The following PIGN variants were observed in gnomAD, a reference collection of about 807,000 sequenced individuals.
PIGN encodes phosphatidylinositol glycan anchor biosynthesis class N, also known as GPI ethanolamine phosphate transferase 1.
A neutral mutation model predicts 125.4 loss-of-function variants in PIGN; 117 were observed. The ratio of observed to expected loss-of-function variants is 0.93; its 90% confidence interval spans 0.80 to 1.09. PIGN has a LOEUF of 1.09. PIGN is among the 50% of genes least tolerant of loss of function. The pLI, the probability that PIGN is intolerant of heterozygous loss-of-function variation, is 0.00. For synonymous variants in PIGN, 392 were observed against 377.8 expected (o/e 1.04, Z -0.44); for missense variants, 1,075 against 1,094.9 (o/e 0.98, Z 0.26).
rs1355691128 is a variant in PIGN at position 62,041,640 on chromosome 18, G to GGGGGGTGTGTGT, written c.*4215_*4216insACACACACCCCC. On this transcript the variant is annotated 3_prime_UTR_variant, in exon 31 of 31. Transcript: ENST00000640252. ...ATTACAGGAGCCTACCACCCCGCCGGGTGTGTGTGTGTGTGTGTGTGTGTG... is the reference window on the plus strand; with the variant it reads ...ATTACAGGAGCCTACCACCCCGCCGGGGGGGTGTGTGTGTGTGTGTGTGTGTGTGTGTGTGTG... 2.6e-5 allele frequency: 2 copies of GGGGGGTGTGTGT among 77,470 alleles called. No homozygotes were observed. Among genetic ancestry groups the GGGGGGTGTGTGT allele is most frequent in the Non-Finnish European group, 2.4e-5 (1 of 40,880 alleles). The allele number at this position is 77,470 out of a possible 1,614,324, so 4.8% of individuals were successfully genotyped here. A position where few individuals can be genotyped will look rare whatever the true frequency, so the allele number is the denominator to read the frequency against.
chr18:62,033,456 A>G (rs1472912858), intron 23 of PIGN, among the ~76,000 whole-genome samples: 1 of 152,234 alleles, frequency 6.6e-6, no homozygotes, highest in Non-Finnish European at 1.5e-5. Context: ...CGTGACTGAT[A>G]GTAGATTATA....
At chr18:62,062,381 C>T (rs1056475119) in intron 30 of PIGN, among the ~76,000 whole-genome samples, 19 of 152,288 alleles carry the variant, frequency 1.2e-4, no homozygotes, top group African/African-American at 4.6e-4. Flanking sequence ...CTTATACCTG[C>T]CTTTGAGAAG....
intron 30 of PIGN, chr18:62,052,332 A>G (rs1251523850): frequency 2.7e-5 from 4 of 150,850 alleles, no homozygotes; most frequent in Admixed American, 2.0e-4. Flanking sequence ...AATGTGTGGG[A>G]GTCTAAGTCT....
intron 1 of PIGN, among the ~76,000 whole-genome samples, chr18:62,167,007 T>G (rs547276107): frequency 6.6e-6 from 1 of 152,224 alleles, no homozygotes; most frequent in Non-Finnish European, 1.5e-5. Context: ...CCATGGCACA[T>G]GTATACCTAC....
chr18:62,074,695 A>T (rs2145761152), intron 29 of PIGN, 84 bp downstream of exon 29: 1 of 816,006 alleles, frequency 1.2e-6, no homozygotes, highest in South Asian at 1.7e-5. Flanking sequence ...GATTTCACGT[A>T]CCAAAATGCA....
chr18:62,018,610 A>G (rs2030011250), intron 23 of PIGN, among the ~76,000 whole-genome samples: 1 of 152,176 alleles, frequency 6.6e-6, no homozygotes, highest in African/African-American at 2.4e-5. Context: ...AGCTGAGCAC[A>G]TGGTTTGTTA....
intron 1 of PIGN, chr18:62,174,340 C>A (rs1568259093): frequency 1.3e-5 from 2 of 152,102 alleles, no homozygotes; most frequent in African/African-American, 2.4e-5. Flanking sequence ...ATTATATGAT[C>A]TTTTAGACAC....
chr18:62,116,253 C>A (rs1292482270), intron 14 of PIGN, among the ~76,000 whole-genome samples: 1 of 152,142 alleles, frequency 6.6e-6, no homozygotes, highest in African/African-American at 2.4e-5. Context: ...TTTTGGAAGG[C>A]TATATCTAAG....
intron 30 of PIGN, among the ~76,000 whole-genome samples, chr18:62,065,745 A>T (rs1399130273): frequency 1.3e-5 from 2 of 152,192 alleles, no homozygotes; most frequent in African/African-American, 4.8e-5. Context: ...CCAAAAAAAA[A>T]TAAAAATAAA....
chr18:62,185,885 T>G (rs1456718672), intron 1 of PIGN, among the ~76,000 whole-genome samples: 4 of 152,228 alleles, frequency 2.6e-5, no homozygotes, highest in African/African-American at 9.6e-5. Flanking sequence ...CAAAACTCTC[T>G]GAAGCATTCA....
chr18:62,128,070 T>C (rs2035602749), intron 14 of PIGN, among the ~76,000 whole-genome samples: 1 of 152,178 alleles, frequency 6.6e-6, no homozygotes, highest in African/African-American at 2.4e-5. Context: ...TATTTTTTAT[T>C]CCCACTTTTA....
chr18:62,144,133 CAT>C (rs754021458), intron 10 of PIGN, among the ~76,000 whole-genome samples: 26 of 152,118 alleles, frequency 1.7e-4, no homozygotes, highest in Non-Finnish European at 3.1e-4. Flanking sequence ...ATTTAATATT[CAT>C]ATGAGAAAAA....
intron 30 of PIGN, among the ~76,000 whole-genome samples, chr18:62,053,947 G>T (rs987444390): frequency 2.0e-5 from 3 of 152,064 alleles, no homozygotes; most frequent in African/African-American, 7.2e-5. Context: ...ATGGATAACA[G>T]ATACATTACC....
In PIGN at chr18:62,147,162, C is replaced by T. The variant is rs533317572; in HGVS notation, c.675-61G>A. 88 of 1,502,016 alleles carry T rather than the reference C, an allele frequency of 5.9e-5. No homozygotes were observed. The East Asian group carries it at 1.2e-3, about 20-fold the overall frequency. 93.0% of individuals were successfully genotyped at this position (1,502,016 alleles called of 1,614,324 possible). The stretch of plus-strand genomic sequence containing the variant: ...ATTTGGAGAAATCAAATTTATTCAA[C>T]GTGGATTCATTACATTCAAAATCAG... On this transcript the variant is annotated intron_variant, in intron 8 of 30. Coordinates refer to ENST00000640252, the MANE Select transcript of PIGN (RefSeq NM_176787.5).
rs115762124 is a variant in PIGN, at chr18:62,111,713, C to A, written c.1434+1421G>T. Among the ~76,000 whole-genome samples the A allele has an allele frequency of 5.9e-3, 891 of 152,280 alleles. 6 individuals carry two copies. Among genetic ancestry groups the A allele is most frequent in the African/African-American group, 0.02 (831 of 41,560 alleles). ...CCCACAGGCCACCTGTGGTCCAGGA[C>A]AGCTTTGAATGAGCTTTAAAGCTCA... On this transcript the variant is annotated intron_variant, in intron 16 of 30. Transcript: ENST00000640252.
Position 62,114,589 on chromosome 18 carries a change from T to A in PIGN, c.1223A>T (p.Tyr408Phe), listed in dbSNP as rs756703465. The A allele has an allele frequency of 5.3e-6, 8 of 1,523,146 alleles. No individual in the cohort carries two copies. The South Asian group carries it at 8.4e-5, about 16-fold the overall frequency. 94.4% of individuals were successfully genotyped at this position (1,523,146 alleles called of 1,614,324 possible). Residue 408 changes from tyrosine (Y) to phenylalanine (F), a missense_variant, in exon 15 of 31, where the codon TAT becomes TTT. This residue lies in a region of PIGN where 915 missense variants were observed against 908.7 expected (regional missense o/e 1.01). Coordinates refer to ENST00000640252, the MANE Select transcript of PIGN (RefSeq NM_176787.5). ...TTCATCAAACTTTCTGTGTTTTATATAAGATCTTGCTTTTCTTAAAATGTT... is the reference window on the plus strand; with the variant it reads ...TTCATCAAACTTTCTGTGTTTTATAAAAGATCTTGCTTTTCTTAAAATGTT... ...QFNILRKARS[Y>F]IKHRKFDEVV...
chr18:62,095,760 T>C, intron 23 of PIGN, 88 bp downstream of exon 23: 2 of 727,584 alleles, frequency 2.7e-6, no homozygotes, highest in Middle Eastern at 3.0e-4. Context: ...ACATTTTTTA[T>C]TTCCAGAAGT....
chr18:62,064,968 T>C (rs963890465), intron 30 of PIGN, among the ~76,000 whole-genome samples: 11 of 152,060 alleles, frequency 7.2e-5, no homozygotes, highest in African/African-American at 2.7e-4. Flanking sequence ...GGTGAGTCTT[T>C]AAACAAGCAA....
At chr18:62,025,339 C>T (rs886884586) in intron 23 of PIGN, among the ~76,000 whole-genome samples, 1 of 152,152 alleles carries the variant, frequency 6.6e-6, no homozygotes, top group African/African-American at 2.4e-5. Flanking sequence ...TTCACTGAGA[C>T]AGTTATTTTG....
Sources: gnomAD v4.1 joint callset for allele counts (sites outside exome capture counted in the v4.1 genomes callset) on GRCh38, gnomAD v4.1.1 for gene constraint, gnomAD v4.1.1 regional missense constraint, MANE v1.5 for transcripts, NCBI Gene and HGNC (gene_info 2026-07-23, HGNC 2026-07-21) for gene names.